Variants in UNC13C observed in about 807,000 individuals in gnomAD.
UNC13C encodes unc-13 homolog C.
A neutral mutation model predicts 245.4 loss-of-function variants in UNC13C; 174 were observed. That is an observed-to-expected ratio of 0.71 (90% CI 0.63 to 0.80). The LOEUF is 0.80. UNC13C is among the 30% of genes least tolerant of loss of function. The pLI, the probability that UNC13C is intolerant of heterozygous loss-of-function variation, is 0.00. For synonymous variants in UNC13C, 992 were observed against 895.1 expected (o/e 1.11, Z -1.93); for missense variants, 2,829 against 2,602.9 (o/e 1.09, Z -1.89).
chr15:54,233,945 T>C (rs2035619786), intron 4 of UNC13C, among the ~76,000 whole-genome samples: 1 of 152,304 alleles, frequency 6.6e-6, no homozygotes, highest in South Asian at 2.1e-4. Context: ...ATTAGCATCT[T>C]GTTGGTTATA....
intron 1 of UNC13C, among the ~76,000 whole-genome samples, chr15:54,002,019 G>C (rs980937418): frequency 5.3e-5 from 8 of 152,236 alleles, no homozygotes; most frequent in Non-Finnish European, 8.8e-5. Context: ...AGGCGTGGTG[G>C]CTCACGCCTG....
At chr15:54,497,962 C>A (rs1251792530) in intron 20 of UNC13C, among the ~76,000 whole-genome samples, 1 of 151,972 alleles carries the variant, frequency 6.6e-6, no homozygotes, top group Non-Finnish European at 1.5e-5. Context: ...ATATAACATT[C>A]ATCAAAAAAT....
chr15:54,228,708 C>T (rs531231955), intron 4 of UNC13C, among the ~76,000 whole-genome samples: 66 of 152,254 alleles, frequency 4.3e-4, no homozygotes, highest in Middle Eastern at 3.4e-3. Flanking sequence ...TCTGCTATGG[C>T]TGTGCTGGGT....
intron 19 of UNC13C, among the ~76,000 whole-genome samples, chr15:54,441,199 A>G (rs1436379997): frequency 6.6e-6 from 1 of 151,826 alleles, no homozygotes; most frequent in Non-Finnish European, 1.5e-5. Context: ...TTTTCTTTCT[A>G]TTGCTTGTGC....
At chr15:53,957,582 T>C in the UNC13C span, among the ~76,000 whole-genome samples, 1 of 151,634 alleles carries the variant, frequency 6.6e-6, no homozygotes, top group East Asian at 1.9e-4. Flanking sequence ...TTACACTATA[T>C]ATATAGTAGT....
the UNC13C span, among the ~76,000 whole-genome samples, chr15:53,955,018 G>A: frequency 6.6e-6 from 1 of 152,140 alleles, no homozygotes; most frequent in African/African-American, 2.4e-5. Context: ...TCAACTTGTG[G>A]CTCTACTTAT....
the UNC13C span, among the ~76,000 whole-genome samples, chr15:53,905,391 T>C: frequency 1.0e-5 from 1 of 97,858 alleles, no homozygotes; most frequent in African/African-American, 3.5e-5. Flanking sequence ...TTATATTATA[T>C]TACTTTATAC....
At chr15:54,398,634 A>C (rs775343049) in intron 18 of UNC13C, among the ~76,000 whole-genome samples, 1 of 151,454 alleles carries the variant, frequency 6.6e-6, no homozygotes, top group Non-Finnish European at 1.5e-5. Flanking sequence ...CATTAGATAT[A>C]GGGCTATTTA....
chr15:54,216,920 G>A (rs962463666), intron 4 of UNC13C, among the ~76,000 whole-genome samples: 1 of 151,922 alleles, frequency 6.6e-6, no homozygotes, highest in Non-Finnish European at 1.5e-5. Context: ...TAGCCATACT[G>A]GTCTTACTGT....
At chr15:54,386,528 C>A (rs1019729229) in intron 17 of UNC13C, among the ~76,000 whole-genome samples, 3 of 152,114 alleles carry the variant, frequency 2.0e-5, no homozygotes, top group Non-Finnish European at 4.4e-5. Flanking sequence ...ATTTGGCTTT[C>A]TCTTGTTGGT....
chr15:54,286,483 G>A (rs1310655242), intron 10 of UNC13C, among the ~76,000 whole-genome samples: 1 of 152,138 alleles, frequency 6.6e-6, no homozygotes, highest in Non-Finnish European at 1.5e-5. Context: ...TACTTGGGCA[G>A]GAATTTGTTT....
the UNC13C span, among the ~76,000 whole-genome samples, chr15:53,839,949 T>G: frequency 2.6e-5 from 4 of 152,128 alleles, no homozygotes; most frequent in African/African-American, 9.6e-5. Flanking sequence ...CTGGCAAGTA[T>G]TTTATTCTAT....
chr15:54,439,699 G>C (rs985519909), intron 19 of UNC13C, among the ~76,000 whole-genome samples: 2 of 151,680 alleles, frequency 1.3e-5, no homozygotes, highest in South Asian at 2.1e-4. Flanking sequence ...GTGATATTTT[G>C]TTCCATGCAT....
intron 18 of UNC13C, among the ~76,000 whole-genome samples, chr15:54,393,550 G>T (rs528354117): frequency 6.6e-6 from 1 of 151,796 alleles, no homozygotes; most frequent in African/African-American, 2.4e-5. Context: ...TTGCATTGTG[G>T]CTTTTTAATA....
chr15:54,453,042 C>T (rs1399822312), intron 19 of UNC13C, among the ~76,000 whole-genome samples: 2 of 152,120 alleles, frequency 1.3e-5, no homozygotes, highest in Non-Finnish European at 2.9e-5. Flanking sequence ...CAAAATGGCA[C>T]CATTTTGTAG....
At chr15:54,571,992 ATTTACTT>A (rs1180160778) in intron 30 of UNC13C, among the ~76,000 whole-genome samples, 1 of 151,800 alleles carries the variant, frequency 6.6e-6, no homozygotes, top group African/African-American at 2.4e-5. Context: ...TTTTTAGCTT[ATTTACTT>A]TTTTTTCTTT....
At chr15:54,490,943 C>A (rs865951430) in intron 19 of UNC13C, among the ~76,000 whole-genome samples, 10 of 152,162 alleles carry the variant, frequency 6.6e-5, no homozygotes, top group African/African-American at 2.4e-4. Flanking sequence ...CAAAGTACAG[C>A]TAAATTCATC....
chr15:53,949,891 G>C, the UNC13C span, among the ~76,000 whole-genome samples: 1 of 152,144 alleles, frequency 6.6e-6, no homozygotes, highest in Non-Finnish European at 1.5e-5. Flanking sequence ...AGTAGAGAAG[G>C]TGTCTTATAA....
the UNC13C span, among the ~76,000 whole-genome samples, chr15:53,865,760 G>A: frequency 6.6e-6 from 1 of 152,116 alleles, no homozygotes; most frequent in Non-Finnish European, 1.5e-5. Context: ...TTTTAATATA[G>A]CTTTGAAAAT....
Sources: gnomAD v4.1 joint callset for allele counts (sites outside exome capture counted in the v4.1 genomes callset) on GRCh38, gnomAD v4.1.1 for gene constraint, MANE v1.5 for transcripts, NCBI Gene and HGNC (gene_info 2026-07-23, HGNC 2026-07-21) for gene names.